CTNNA3: variants seen among roughly 807,000 people sequenced by gnomAD.
The protein encoded by CTNNA3 is catenin alpha 3.
A neutral mutation model predicts 95.7 loss-of-function variants in CTNNA3; 76 were observed. The ratio of observed to expected loss-of-function variants is 0.79; its 90% CI spans 0.66 to 0.96. The LOEUF (loss-of-function observed/expected upper bound fraction) is 0.96, where lower values mean the gene tolerates loss of function less well. Among genes scored for constraint, CTNNA3 ranks in the 40% least tolerant of loss-of-function variants. CTNNA3 has a pLI of 0.00. For synonymous variants in CTNNA3, 431 were observed against 374.4 expected (o/e 1.15, Z -1.74); for missense variants, 1,191 against 1,089.8 (o/e 1.09, Z -1.31).
chr10:66,755,078 T>G (rs761480380), intron 9 of CTNNA3, among the ~76,000 whole-genome samples: 1 of 152,082 alleles, frequency 6.6e-6, no homozygotes, highest in Non-Finnish European at 1.5e-5. Context: ...CACCAACATA[T>G]GAACAGAGAA....
intron 5 of CTNNA3, among the ~76,000 whole-genome samples, chr10:67,500,787 T>G (rs1216538092): frequency 6.6e-6 from 1 of 152,222 alleles, no homozygotes; most frequent in Non-Finnish European, 1.5e-5. Flanking sequence ...TGGTAAATAT[T>G]CCTCCATCCT....
intron 3 of CTNNA3, among the ~76,000 whole-genome samples, chr10:67,547,670 T>C (rs1221335798): frequency 2.0e-5 from 3 of 152,186 alleles, no homozygotes; most frequent in African/African-American, 7.2e-5. Flanking sequence ...GAAGTCAATG[T>C]GGCCAACTGT....
rs773614602 is a variant in CTNNA3, at chr10:66,520,561, T to G, written c.1531+56A>C. On this transcript the variant is annotated intron_variant, in intron 11 of 17. Transcript: ENST00000433211. ...GCCACCATGCCTGTCCCAGTATTAT[T>G]CTATTTTATAAAATTGACAAGAGAA... 199 of 1,510,584 alleles carry G rather than the reference T, an allele frequency of 1.3e-4. 3 individuals are homozygous for G. In the Middle Eastern group the frequency reaches 7.3e-3, roughly 56 times the overall value. 93.6% of individuals were successfully genotyped at this position (1,510,584 alleles called of 1,614,324 possible).
intron 11 of CTNNA3, among the ~76,000 whole-genome samples, chr10:66,401,954 C>A (rs1164226263): frequency 2.0e-5 from 3 of 151,998 alleles, no homozygotes; most frequent in Non-Finnish European, 4.4e-5. Context: ...GCCACCATAC[C>A]CGGCCTCTTT....
chr10:66,876,274 A>G (rs1414267470), intron 7 of CTNNA3, among the ~76,000 whole-genome samples: 3 of 152,160 alleles, frequency 2.0e-5, no homozygotes, highest in Non-Finnish European at 2.9e-5. Context: ...AACTGAGCAT[A>G]TATTAGGATA....
At chr10:66,232,489 C>T (rs1042786222) in intron 13 of CTNNA3, among the ~76,000 whole-genome samples, 3 of 151,784 alleles carry the variant, frequency 2.0e-5, no homozygotes, top group South Asian at 2.1e-4. Context: ...TTAAAGATTT[C>T]AGTTCTCTTC....
intron 12 of CTNNA3, among the ~76,000 whole-genome samples, chr10:66,335,301 G>A (rs1030963850): frequency 6.6e-6 from 1 of 152,038 alleles, no homozygotes; most frequent in African/African-American, 2.4e-5. Context: ...AGGAGGAGAG[G>A]CACTCTGATT....
At chr10:67,190,582 G>T (rs1379556711) in intron 6 of CTNNA3, among the ~76,000 whole-genome samples, 1 of 151,806 alleles carries the variant, frequency 6.6e-6, no homozygotes, top group Non-Finnish European at 1.5e-5. Flanking sequence ...TGGACCAAAC[G>T]TTTATTACTC....
chr10:66,680,997 A>T (rs1179617717), intron 9 of CTNNA3, among the ~76,000 whole-genome samples: 1 of 152,176 alleles, frequency 6.6e-6, no homozygotes, highest in Non-Finnish European at 1.5e-5. Context: ...GTAGCCTTAA[A>T]TGTTGCATAA....
chr10:66,778,974 C>T (rs188751419), intron 7 of CTNNA3, among the ~76,000 whole-genome samples: 177 of 151,910 alleles, frequency 1.2e-3, no homozygotes, highest in Non-Finnish European at 2.1e-3. Flanking sequence ...GACTCCATAT[C>T]AAAAAACATT....
chr10:66,272,427 C>T (rs1289586727), intron 13 of CTNNA3, among the ~76,000 whole-genome samples: 1 of 152,092 alleles, frequency 6.6e-6, no homozygotes, highest in Non-Finnish European at 1.5e-5. Flanking sequence ...ATCAGAAAAG[C>T]ATGAAGGGGA....
chr10:67,622,003 C>T (rs1282370140), intron 2 of CTNNA3, among the ~76,000 whole-genome samples: 1 of 152,184 alleles, frequency 6.6e-6, no homozygotes, highest in Non-Finnish European at 1.5e-5. Flanking sequence ...TATTTACTAT[C>T]TGGACCCATA....
At chr10:67,374,710 G>A (rs1258082365) in intron 5 of CTNNA3, among the ~76,000 whole-genome samples, 6 of 152,258 alleles carry the variant, frequency 3.9e-5, no homozygotes, top group Non-Finnish European at 7.3e-5. Context: ...TTTGAACAGG[G>A]ACTTGAAGGA....
At chr10:65,947,549 C>T (rs138606305) in intron 17 of CTNNA3, among the ~76,000 whole-genome samples, 8 of 152,300 alleles carry the variant, frequency 5.3e-5, no homozygotes, top group Non-Finnish European at 8.8e-5. Flanking sequence ...CAGTGAGCAA[C>T]CTTTCTATTC....
At chr10:66,909,798 T>C (rs985989992) in intron 7 of CTNNA3, among the ~76,000 whole-genome samples, 5 of 152,144 alleles carry the variant, frequency 3.3e-5, no homozygotes, top group African/African-American at 9.7e-5. Flanking sequence ...CAACTACAGG[T>C]ATTCCCAGAG....
chr10:66,671,821 A>G (rs1846671270), intron 9 of CTNNA3, among the ~76,000 whole-genome samples: 1 of 152,180 alleles, frequency 6.6e-6, no homozygotes, highest in Non-Finnish European at 1.5e-5. Context: ...TCCTTCTGTA[A>G]AACGGGGATA....
At position 67,483,330 on chromosome 10, in the gene CTNNA3, C is replaced by A. The variant is rs28843127; in HGVS notation, c.579+38512G>T. ...GACACATGCACACATATGTTTATTG[C>A]GGCACTCTTCACAATAGCAAAGACT... On this transcript the variant is annotated intron_variant, in intron 5 of 17. Transcript: ENST00000433211. Among the ~76,000 whole-genome samples, 519 of 132,224 alleles carry A rather than the reference C, an allele frequency of 3.9e-3. 70 individuals are homozygous for A. Among genetic ancestry groups the A allele is most frequent in the African/African-American group, 0.016 (492 of 31,452 alleles). 86.7% of individuals were successfully genotyped at this position (132,224 alleles called of 152,430 possible). A position where few individuals can be genotyped will look rare whatever the true frequency, so the allele number is the denominator to read the frequency against.
chr10:66,951,579 C>G (rs1848543191), intron 7 of CTNNA3, among the ~76,000 whole-genome samples: 1 of 152,110 alleles, frequency 6.6e-6, no homozygotes, highest in African/African-American at 2.4e-5. Context: ...TTGAAGATCA[C>G]AGAGATAGGG....
At chr10:66,620,290 T>C (rs1844699892) in intron 10 of CTNNA3, among the ~76,000 whole-genome samples, 1 of 152,088 alleles carries the variant, frequency 6.6e-6, no homozygotes, top group Non-Finnish European at 1.5e-5. Flanking sequence ...ATTTAAAAAA[T>C]ATTTCAAAAG....
Sources: gnomAD v4.1 joint callset for allele counts (sites outside exome capture counted in the v4.1 genomes callset) on GRCh38, gnomAD v4.1.1 for gene constraint, MANE v1.5 for transcripts, NCBI Gene and HGNC (gene_info 2026-07-23, HGNC 2026-07-21) for gene names.